Variants in GSTK1 observed in about 807,000 individuals in gnomAD.
The protein encoded by GSTK1 is glutathione S-transferase kappa 1, also known as GST class-kappa.
In GSTK1, 25 loss-of-function variants were observed where a neutral mutation model predicts 30.9. The observed-to-expected ratio is 0.81, with a 90% confidence interval of 0.59 to 1.13. GSTK1 has a LOEUF of 1.13. GSTK1 is among the 50% of genes most tolerant of loss of function. The probability of loss-of-function intolerance (pLI) is 0.00; values close to 1 mark genes in which losing one functional copy is unlikely to be tolerated. For synonymous variants in GSTK1, 108 were observed against 112.5 expected (o/e 0.96, Z 0.25); for missense variants, 292 against 292.4 (o/e 1.00, Z 0.01).
Position 143,268,913 on chromosome 7 carries a change from A to G in GSTK1, c.*76A>G. 1 of 1,237,434 alleles carries G rather than the reference A, an allele frequency of 8.1e-7. No homozygotes were observed. The highest frequency in any genetic ancestry group is 1.2e-6 in the Non-Finnish European group (1 of 837,776). 76.7% of individuals were successfully genotyped at this position (1,237,434 alleles called of 1,614,324 possible). A position where few individuals can be genotyped will look rare whatever the true frequency, so the allele number is the denominator to read the frequency against. On this transcript the variant is annotated 3_prime_UTR_variant, in exon 8 of 8. Transcript: ENST00000358406. This position sits in a 1 kb window ranked among gnomAD's most constrained non-coding sequence, Gnocchi z 4.1. ...TTAACCCTTGGCTCCACCATAAGGC[A>G]CTGGGACTCGGATTTCTCTATCTGA... is the stretch of plus-strand genomic sequence containing the variant.
chr7:143,265,154 G>GGCAC, intron 4 of GSTK1, 62 bp downstream of exon 4: 16 of 1,612,472 alleles, frequency 9.9e-6, no homozygotes, highest in Non-Finnish European at 1.4e-5. Flanking sequence ...ACCTTCCCCA[G>GGCAC]GCACGTTTTC....
intron 6 of GSTK1, 35 bp downstream of exon 6, chr7:143,267,768 T>A: frequency 7.1e-7 from 1 of 1,403,128 alleles, no homozygotes; most frequent in Non-Finnish European, 1.0e-6. Flanking sequence ...CCAGCACCCA[T>A]CCTGAAGATG....
Position 143,263,442 on chromosome 7 carries a change from G to T in GSTK1, c.-72G>T. The T allele has an allele frequency of 7.0e-7, 1 of 1,423,862 alleles. No homozygotes were observed. Among genetic ancestry groups the T allele is most frequent in the South Asian group, 1.1e-5 (1 of 87,474 alleles). 88.2% of individuals were successfully genotyped at this position (1,423,862 alleles called of 1,614,324 possible). On this transcript the variant is annotated 5_prime_UTR_variant, in exon 1 of 8. Transcript: ENST00000358406. ...CGGTGGGCGGTCCCAGGCAGGCCCA[G>T]AAGCTGGGCAGCCTCTGCCGGGTTC...
chr7:143,268,017 G>T lies in GSTK1; in HGVS notation c.538-74G>T. Reference sequence around the variant, plus strand: ...GCTTCTGTGAACTCAGAAAAGTACTGACTCAAAGGTTTCAACCCCTGCCTA... The same window carrying T: ...GCTTCTGTGAACTCAGAAAAGTACTTACTCAAAGGTTTCAACCCCTGCCTA... On this transcript the variant is annotated intron_variant, in intron 6 of 7. Transcript: ENST00000358406. This position sits in a 1 kb window ranked among gnomAD's most constrained non-coding sequence, Gnocchi z 4.1. The T allele has an allele frequency of 8.7e-7, 1 of 1,145,506 alleles. No homozygotes were observed. 71.0% of individuals were successfully genotyped at this position (1,145,506 alleles called of 1,614,324 possible).
intron 1 of GSTK1, 176 bp downstream of exon 1, chr7:143,263,761 T>C: frequency 1.6e-6 from 1 of 630,042 alleles, no homozygotes. Flanking sequence ...CGGAATAGAG[T>C]CGCTGGCTCC....
intron 2 of GSTK1, 60 bp downstream of exon 2, chr7:143,264,227 G>A: frequency 4.9e-6 from 7 of 1,435,062 alleles, no homozygotes; most frequent in Non-Finnish European, 5.9e-6. Flanking sequence ...CGACCCCAGC[G>A]GGTCCTTATA....
At position 143,268,803 on chromosome 7, in the gene GSTK1, GC is replaced by G; in HGVS notation, c.650del (p.Pro217LeufsTer6). On this transcript the variant is annotated frameshift_variant, in exon 8 of 8. Coordinates refer to ENST00000358406, the MANE Select transcript of GSTK1 (RefSeq NM_015917.3). LOFTEE classifies it high-confidence loss of function. The surrounding 1 kb of genome is among the most constrained non-coding windows in gnomAD (Gnocchi z 4.1). ...CTTCATCCAGGAGAGAAGTGGATGG[GC>G]CCTATACCTCCAGCCGTGAATGCCA... is the stretch of plus-strand genomic sequence containing the variant. ...LAHLLGEKWM[G>X]PIPPAVNARL 1 of 1,613,962 alleles carries G rather than the reference GC, an allele frequency of 6.2e-7. No homozygotes were observed. The highest frequency in any genetic ancestry group is 1.7e-5 in the Admixed American group (1 of 60,016).
intron 6 of GSTK1, among the ~76,000 whole-genome samples, 154 bp from the exon 7 acceptor site, chr7:143,267,937 G>C (rs1269300801): frequency 6.6e-6 from 1 of 152,176 alleles, no homozygotes; most frequent in Admixed American, 6.5e-5. Flanking sequence ...AGAGAAAAGA[G>C]AGCATCTTAG....
At chr7:143,264,048 C>A in intron 1 of GSTK1, 38 bp from the exon 2 acceptor site, 1 of 1,591,048 alleles carries the variant, frequency 6.3e-7, no homozygotes, top group South Asian at 1.1e-5. Flanking sequence ...ACTTTTCCAT[C>A]TTGCACACTG....
intron 1 of GSTK1, 54 bp downstream of exon 1, chr7:143,263,639 A>T: frequency 6.5e-7 from 1 of 1,527,648 alleles, no homozygotes; most frequent in South Asian, 1.1e-5. Context: ...GGCGGAGGGA[A>T]GAGTGAGCGC....
At chr7:143,264,787 C>T in intron 3 of GSTK1, 111 bp downstream of exon 3, 1 of 1,451,264 alleles carries the variant, frequency 6.9e-7, no homozygotes. Flanking sequence ...TGAAGCCTGC[C>T]TTGGGAAACC....
chr7:143,266,003 A>G (rs1586425881), intron 5 of GSTK1, among the ~76,000 whole-genome samples: 1 of 140,214 alleles, frequency 7.1e-6, no homozygotes, highest in East Asian at 2.0e-4. Flanking sequence ...TTTTTACTTC[A>G]TATTTAATCA....
At position 143,265,090 on chromosome 7, in the gene GSTK1, A is replaced by G. The variant is rs199501326; in HGVS notation, c.382A>G (p.Arg128Gly). 474 of 1,614,124 alleles carry G rather than the reference A, an allele frequency of 2.9e-4. 3 individuals are homozygous for G. In the Admixed American group the frequency reaches 7.5e-3, roughly 26 times the overall value. The change falls in exon 4 of 8, where the codon AGG becomes GGG. Residue 128 changes from arginine (R) to glycine (G), a missense_variant and splice_region_variant. Transcript: ENST00000358406. ...SRELWMRVWS[R>G]NEDITEPQSI... is the part of the protein sequence containing the mutation. ...GGAGCTGTGGATGCGCGTCTGGTCA[A>G]GGGTGAGTGTGGGGCTCTGGGAATC...
In GSTK1 at chr7:143,268,172, G is replaced by A; in HGVS notation, c.619G>A (p.Ala207Thr). Residue 207 changes from alanine (A) to threonine (T), a missense_variant, in exon 7 of 8, where the codon GCG (alanine) becomes ACG (threonine). By Grantham distance (58) the Ala-to-Thr change is moderately conservative. Transcript: ENST00000358406. This position sits in a 1 kb window ranked among gnomAD's most constrained non-coding sequence, Gnocchi z 4.1. ...TGGCTCTGACCGGATGGAGCTGCTGGCGCACCTGCTGGGTAAGTAAGTTAA... is the reference window on the plus strand; with the variant it reads ...TGGCTCTGACCGGATGGAGCTGCTGACGCACCTGCTGGGTAAGTAAGTTAA... Reference protein sequence around the residue: ...LFGSDRMELLAHLLGEKWMGP... With the variant: ...LFGSDRMELLTHLLGEKWMGP... 6.2e-7 allele frequency: 1 copy of A among 1,613,790 alleles called. No individual in the cohort carries two copies. Among genetic ancestry groups the A allele is most frequent in the East Asian group, 2.2e-5 (1 of 44,874 alleles).
At position 143,264,172 on chromosome 7, in the gene GSTK1, G is replaced by T; in HGVS notation, c.154+5G>T. ...CAGGGATCATGAAAGACAGTGGTAGGAAGGGAGGGTCGGGGCAGGGGTGAT... is the reference window on the plus strand; with the variant it reads ...CAGGGATCATGAAAGACAGTGGTAGTAAGGGAGGGTCGGGGCAGGGGTGAT... On this transcript the variant is annotated splice_donor_5th_base_variant and intron_variant, in intron 2 of 7. Coordinates refer to ENST00000358406, the MANE Select transcript of GSTK1 (RefSeq NM_015917.3). 1 of 1,613,154 alleles carries T rather than the reference G, an allele frequency of 6.2e-7. No homozygotes were observed. The highest frequency in any genetic ancestry group is 8.5e-7 in the Non-Finnish European group (1 of 1,179,132).
At position 143,264,571 on chromosome 7, in the gene GSTK1, C is replaced by G. The variant is rs764051491; in HGVS notation, c.178C>G (p.Pro60Ala). 1.9e-6 allele frequency: 3 copies of G among 1,614,050 alleles called. No individual in the cohort carries two copies. The South Asian group carries it at 3.3e-5, about 18-fold the overall frequency. Residue 60 changes from proline (P) to alanine (A), a missense_variant, in exon 3 of 8, where the codon CCC becomes GCC. Transcript: ENST00000358406. ...DSGNKPPGLL[P>A]RKGLYMANDL... ...AGGAAACAAGCCTCCAGGTCTGCTT[C>G]CCCGCAAAGGACTATACATGGCAAA...
chr7:143,264,608 T>C lies in GSTK1; in HGVS notation c.215T>C (p.Leu72Pro). The change falls in exon 3 of 8, where the codon CTC (leucine) becomes CCC (proline). Residue 72 changes from leucine (L) to proline (P), a missense_variant. Physicochemically the swap from Leu to Pro is moderately conservative, Grantham distance 98 (BLOSUM62 -3). Transcript: ENST00000358406. ...KGLYMANDLK[L>P]LRHHLQIPIH... is the part of the protein sequence containing the mutation. ...CTATACATGGCAAATGACTTAAAGC[T>C]CCTGAGACACCATCTCCAGATTCCC... 1 of 1,614,018 alleles carries C rather than the reference T, an allele frequency of 6.2e-7. No individual in the cohort carries two copies.
intron 4 of GSTK1, 77 bp from the exon 5 acceptor site, chr7:143,265,184 C>T (rs1438525590): frequency 1.2e-6 from 2 of 1,607,446 alleles, no homozygotes; most frequent in Non-Finnish European, 8.5e-7. Context: ...ATCCTGCCCC[C>T]GCCCGGGGGA....
At chr7:143,264,966 T>C (rs1288138159) in intron 3 of GSTK1, 26 bp from the exon 4 acceptor site, 1 of 1,609,804 alleles carries the variant, frequency 6.2e-7, no homozygotes, top group Non-Finnish European at 8.5e-7. Context: ...AGAGGAGCCC[T>C]GCCTCTGGGT....
Sources: gnomAD v4.1 joint callset for allele counts (sites outside exome capture counted in the v4.1 genomes callset) on GRCh38, gnomAD v4.1.1 for gene constraint, Gnocchi (gnomAD v3.1) non-coding constraint, MANE v1.5 for transcripts, NCBI Gene and HGNC (gene_info 2026-07-23, HGNC 2026-07-21) for gene names.